Variants in AVIL observed in about 807,000 individuals in gnomAD.
The protein encoded by AVIL is advillin.
AVIL carries 78 observed loss-of-function variants against 109.9 expected under a neutral mutation model. The ratio of observed to expected loss-of-function variants is 0.71; its 90% CI spans 0.59 to 0.86. The LOEUF is 0.86. Among genes scored for constraint, AVIL ranks in the 40% least tolerant of loss-of-function variants. AVIL has a pLI of 0.00. For synonymous variants in AVIL, 367 were observed against 379.1 expected, an observed-to-expected ratio of 0.97 and a Z score of 0.37; for missense variants, 892 against 1,016.5, an observed-to-expected ratio of 0.88 and a Z score of 1.67.
chr12:57,815,028 C>T (rs573972385), intron 2 of AVIL: 1 of 152,490 alleles, frequency 6.6e-6, no homozygotes, highest in Admixed American at 6.5e-5. Context: ...TCTCGGCTCA[C>T]TGCAAGCTCC....
rs1434487573 is a variant in AVIL at position 57,818,683 on chromosome 12, T to C, written c.-74A>G. 1 of 152,190 alleles carries C rather than the reference T, an allele frequency of 6.6e-6. No individual in the cohort carries two copies. The highest frequency in any genetic ancestry group is 2.4e-5 in the African/African-American group (1 of 41,430). The allele number at this position is 152,190 out of a possible 1,614,324, so 9.4% of individuals were successfully genotyped here. A position where few individuals can be genotyped will look rare whatever the true frequency, so the allele number is the denominator to read the frequency against. On this transcript the variant is annotated 5_prime_UTR_variant, in exon 1 of 20. In the 5' UTR this introduces an upstream ATG that the reference lacks. Transcript: ENST00000549994. ...TTTCCCGGCGCGTAAGCAGCAGCAG[T>C]ATTGAAGAACCACTCCAAAGCAGGA...
At chr12:57,801,332 G>A (rs1955843942) in intron 17 of AVIL, 120 bp from the exon 18 acceptor site, 1 of 761,098 alleles carries the variant, frequency 1.3e-6, no homozygotes, top group Non-Finnish European at 2.1e-6. Context: ...ACATTTCAAG[G>A]ATAAGTAAAA....
At chr12:57,811,308 T>A (rs956760916) in intron 4 of AVIL, among the ~76,000 whole-genome samples, 181 bp from the exon 5 acceptor site, 1 of 152,024 alleles carries the variant, frequency 6.6e-6, no homozygotes. Flanking sequence ...TGGTAGCGAG[T>A]TGGGGCAGTC....
At position 57,813,819 on chromosome 12, in the gene AVIL, G is replaced by A. The variant is rs538935798; in HGVS notation, c.141+333C>T. 2.5e-3 allele frequency among the ~76,000 whole-genome samples: 383 copies of A among 152,302 alleles called. 3 individuals carry two copies. Among genetic ancestry groups the A allele is most frequent in the South Asian group, 7.7e-3 (37 of 4,822 alleles). On this transcript the variant is annotated intron_variant, in intron 3 of 19. Transcript: ENST00000549994. Reference sequence around the variant, plus strand: ...CATGTGAGTCTCCTCCATGAGAATAGCACTTTGAGGCTAGAGACAGGCCTT... The same window carrying A: ...CATGTGAGTCTCCTCCATGAGAATAACACTTTGAGGCTAGAGACAGGCCTT...
At chr12:57,803,754 CAG>C (rs1955897641) in intron 14 of AVIL, 85 bp from the exon 15 acceptor site, 7 of 1,525,038 alleles carry the variant, frequency 4.6e-6, no homozygotes, top group Admixed American at 1.8e-5. Context: ...ACTAATAACT[CAG>C]TGTGCCAGGA....
intron 1 of AVIL, among the ~76,000 whole-genome samples, chr12:57,817,701 A>G (rs1400061444): frequency 6.6e-6 from 1 of 152,182 alleles, no homozygotes. Flanking sequence ...TGAGCCTCAG[A>G]GGCTGAAACC....
At position 57,803,545 on chromosome 12, in the gene AVIL, G is replaced by C. The variant is rs1955891988; in HGVS notation, c.1796C>G (p.Thr599Ser). 6.2e-7 allele frequency: 1 copy of C among 1,614,230 alleles called. No homozygotes were observed. Among genetic ancestry groups the C allele is most frequent in the Non-Finnish European group, 8.5e-7 (1 of 1,180,034 alleles). The change falls in exon 15 of 20, where the codon ACT becomes AGT. Residue 599 changes from threonine (T) to serine (S), a missense_variant. Thr to Ser is a moderately conservative substitution (Grantham distance 58, BLOSUM62 1). Coordinates refer to ENST00000549994, the MANE Select transcript of AVIL (RefSeq NM_006576.4). ...ATACCTTTTATCATTGGCATAGGGA[G>C]TTTTCCCTCCCAGTAGGTCCCAGAA... ...AEFWDLLGGK[T>S]PYANDKRLQQ...
At chr12:57,812,863 C>T (rs886400934) in intron 4 of AVIL, among the ~76,000 whole-genome samples, 1 of 152,182 alleles carries the variant, frequency 6.6e-6, no homozygotes, top group Non-Finnish European at 1.5e-5. Flanking sequence ...CTGCAGCTTC[C>T]TAACATCATT....
intron 6 of AVIL, 106 bp from the exon 7 acceptor site, chr12:57,810,657 C>T (rs1294197823): frequency 9.2e-6 from 13 of 1,415,110 alleles, no homozygotes; most frequent in Non-Finnish European, 1.1e-5. Context: ...TACTTGGATG[C>T]TGAGGAGTCC....
rs533368340 is a variant in AVIL, at chr12:57,802,232, C to G, written c.2079G>C (p.Leu693=). The G allele has an allele frequency of 3.7e-6, 6 of 1,614,186 alleles. No individual in the cohort carries two copies. In the East Asian group the frequency reaches 1.3e-4, roughly 36 times the overall value. The change falls in exon 17 of 20, where the codon CTG becomes CTC. Residue 693 remains leucine, a synonymous_variant. Coordinates refer to ENST00000549994, the MANE Select transcript of AVIL (RefSeq NM_006576.4). ...PSGRDPDTPI[L]IIKQGFEPPI... ...GAGGCTCAAACCCCTGCTTAATGAT[C>G]AGGATTGGTGTGTCGGGATCTCGGC...
Position 57,807,574 on chromosome 12 carries a change from C to T in AVIL, c.1332+16G>A, listed in dbSNP as rs780055129. On this transcript the variant is annotated intron_variant, in intron 12 of 19. Coordinates refer to ENST00000549994, the MANE Select transcript of AVIL (RefSeq NM_006576.4). ...GACACATCAGGATCCAAAGCTGAAG[C>T]CTGTGCCAGGCCTACCTGCCAGATG... 2.5e-6 allele frequency: 4 copies of T among 1,614,126 alleles called. No homozygotes were observed. The highest frequency in any genetic ancestry group is 1.1e-5 in the South Asian group (1 of 91,090).
chr12:57,806,797 T>C (rs933563705), intron 13 of AVIL, among the ~76,000 whole-genome samples: 5 of 152,204 alleles, frequency 3.3e-5, no homozygotes, highest in African/African-American at 1.2e-4. Context: ...ATAACTCTTA[T>C]GAAGTAGATG....
At chr12:57,810,138 G>T (rs911588288) in intron 7 of AVIL, among the ~76,000 whole-genome samples, 6 of 152,146 alleles carry the variant, frequency 3.9e-5, no homozygotes, top group Admixed American at 1.3e-4. Context: ...TAAAGGAAAG[G>T]TCTCCTCAAG....
rs1565838098 is a variant in AVIL at position 57,813,230 on chromosome 12, A to G, written c.335T>C (p.Ile112Thr). The G allele has an allele frequency of 1.9e-6, 3 of 1,610,860 alleles. No homozygotes were observed. The East Asian group carries it at 6.7e-5, about 36-fold the overall frequency. ...TGCTCTGTGCACCCCTACTCACATG[A>G]TGCCCTGCTTGAAGTAGCCACGGAA... ...DTFRGYFKQG[I>T]IYKQGGVASG... is the part of the protein sequence containing the mutation. Residue 112 changes from isoleucine (I) to threonine (T), a missense_variant, in exon 4 of 20, where the codon ATC becomes ACC. Ile to Thr is a moderately conservative substitution (Grantham distance 89, BLOSUM62 -1). Transcript: ENST00000549994.
In AVIL at chr12:57,807,377, G is replaced by A; in HGVS notation, c.1445C>T (p.Pro482Leu). The stretch of plus-strand genomic sequence containing the variant: ...TTTGAAGATGGCCATGAAGTGGCGT[G>A]GCTCCGTTCCCATCCTGACTCGAAC... ...VQVRVRMGTEPRHFMAIFKGK... is the reference protein window; with the variant it reads ...VQVRVRMGTELRHFMAIFKGK... The change falls in exon 13 of 20, where the codon CCA becomes CTA. Residue 482 changes from proline to leucine, a missense_variant. Coordinates refer to ENST00000549994, the MANE Select transcript of AVIL (RefSeq NM_006576.4). 1 of 1,614,240 alleles carries A rather than the reference G, an allele frequency of 6.2e-7. No homozygotes were observed. The highest frequency in any genetic ancestry group is 8.5e-7 in the Non-Finnish European group (1 of 1,180,046).
intron 19 of AVIL, 63 bp downstream of exon 19, chr12:57,799,727 TGCTGA>T: frequency 9.4e-6 from 15 of 1,603,598 alleles, no homozygotes; most frequent in Non-Finnish European, 1.3e-5. Context: ...CTAGGCCATT[TGCTGA>T]GCTGAGTTTT....
At chr12:57,810,974 G>C in intron 5 of AVIL, 45 bp downstream of exon 5, 13 of 1,613,862 alleles carry the variant, frequency 8.1e-6, no homozygotes, top group Non-Finnish European at 1.1e-5. Context: ...TTAGGTGCCA[G>C]GTGGAGAAGC....
chr12:57,800,556 C>G (rs2140436510), intron 18 of AVIL: 1 of 153,018 alleles, frequency 6.5e-6, no homozygotes, highest in South Asian at 2.1e-4. Context: ...CTGCCAATGA[C>G]TTTAATCTCT....
chr12:57,816,345 T>G (rs1595179040), intron 1 of AVIL: 2 of 321,476 alleles, frequency 6.2e-6, no homozygotes, highest in African/African-American at 4.4e-5. Flanking sequence ...GTGATAAATA[T>G]GTTAAGCCCT....
Sources: gnomAD v4.1 joint callset for allele counts (sites outside exome capture counted in the v4.1 genomes callset) on GRCh38, gnomAD v4.1.1 for gene constraint, MANE v1.5 for transcripts, NCBI Gene and HGNC (gene_info 2026-07-23, HGNC 2026-07-21) for gene names.